SVIL: variants seen among roughly 807,000 people sequenced by gnomAD.
SVIL encodes supervillin.
In SVIL, 101 loss-of-function variants were observed where a neutral mutation model predicts 240.4. That is an observed-to-expected ratio of 0.42 (90% CI 0.36 to 0.50). SVIL has a LOEUF of 0.50. Among genes scored for constraint, SVIL ranks in the 20% least tolerant of loss-of-function variants. The pLI, the probability that SVIL is intolerant of heterozygous loss-of-function variation, is 0.01. For missense variants in SVIL, 2,512 were observed against 2,818.7 expected (o/e 0.89, Z 2.46); for synonymous variants, 999 against 1,100.0 (o/e 0.91, Z 1.82).
Position 29,458,763 on chromosome 10 carries a change from C to T in SVIL, c.6403-174G>A, listed in dbSNP as rs548062875. 3 of 553,186 alleles carry T rather than the reference C, an allele frequency of 5.4e-6. No individual in the cohort carries two copies. In the South Asian group the frequency reaches 1.3e-4, roughly 24 times the overall value. 34.3% of individuals were successfully genotyped at this position (553,186 alleles called of 1,614,324 possible). ...AGAAAAGGGATCGCCCAAAGCCCTG[C>T]AGTTGTCTGGACTTTTAATTTTTAA... On this transcript the variant is annotated intron_variant, in intron 36 of 37. Transcript: ENST00000355867.
chr10:29,480,335 G>T (rs567007776), intron 29 of SVIL, among the ~76,000 whole-genome samples: 3 of 152,266 alleles, frequency 2.0e-5, no homozygotes, highest in African/African-American at 7.2e-5. Flanking sequence ...CAGCGGCCTC[G>T]GCAATGCTAG....
intron 1 of SVIL, among the ~76,000 whole-genome samples, chr10:29,693,241 C>A (rs1408669162): frequency 2.1e-5 from 3 of 144,920 alleles, no homozygotes; most frequent in African/African-American, 7.8e-5. Context: ...TCAAACCAGG[C>A]AGGGTGGCCC....
chr10:29,622,821 A>G (rs1029882174), intron 1 of SVIL, among the ~76,000 whole-genome samples: 3 of 152,334 alleles, frequency 2.0e-5, no homozygotes, highest in Non-Finnish European at 4.4e-5. Flanking sequence ...CCGGAATTCA[A>G]AGCACCTCCA....
At position 29,642,394 on chromosome 10, in the gene SVIL, A is replaced by C. The variant is rs577720875; in HGVS notation, c.-201+15575T>G. ...ACAACAGAGTGAGACTCTGCCTCAAAAACAGAAAGAAAGAGAGAGAGTGAG... is the reference window on the plus strand; with the variant it reads ...ACAACAGAGTGAGACTCTGCCTCAACAACAGAAAGAAAGAGAGAGAGTGAG... On this transcript the variant is annotated intron_variant, in intron 3 of 35. Coordinates refer to the SVIL transcript ENST00000375400. 2.0e-5 allele frequency among the ~76,000 whole-genome samples: 3 copies of C among 149,662 alleles called. No individual in the cohort carries two copies. In the Admixed American group the frequency reaches 2.0e-4, roughly 10 times the overall value.
intron 30 of SVIL, 193 bp downstream of exon 30, chr10:29,473,645 A>G: frequency 1.5e-6 from 1 of 658,640 alleles, no homozygotes; most frequent in Non-Finnish European, 2.5e-6. Context: ...ATCATCTTAC[A>G]AAAAGTGGGA....
At chr10:29,647,983 A>T (rs1276194936) in intron 3 of SVIL, among the ~76,000 whole-genome samples, 1 of 151,418 alleles carries the variant, frequency 6.6e-6, no homozygotes, top group Admixed American at 6.6e-5. Context: ...AAAAAAAAAA[A>T]AACAAAAAAA....
rs368243248 is a variant in SVIL, at chr10:29,524,454, G to A, written c.2586+18C>T. On this transcript the variant is annotated intron_variant, in intron 14 of 37. Coordinates refer to ENST00000355867, the MANE Select transcript of SVIL (RefSeq NM_021738.3). ...GAACACACACACACAAACTGCAATC[G>A]GACTATAGCACACCCACCTGCTCCA... 4.9e-5 allele frequency: 79 copies of A among 1,612,162 alleles called. No homozygotes were observed. The highest frequency in any genetic ancestry group is 1.7e-4 in the Middle Eastern group (1 of 5,794).
chr10:29,512,603 A>T, intron 17 of SVIL, 132 bp downstream of exon 17: 1 of 1,477,422 alleles, frequency 6.8e-7, no homozygotes, highest in Non-Finnish European at 9.3e-7. Flanking sequence ...ACAGACTCTC[A>T]GTGTGTACCC....
At chr10:29,568,827 G>T (rs1258389417) in intron 2 of SVIL, among the ~76,000 whole-genome samples, 1 of 151,598 alleles carries the variant, frequency 6.6e-6, no homozygotes, top group Non-Finnish European at 1.5e-5. Flanking sequence ...GGATGTGTGT[G>T]TGTGTGTGTT....
chr10:29,704,107 G>T (rs1353741786), intron 1 of SVIL, among the ~76,000 whole-genome samples: 3 of 152,258 alleles, frequency 2.0e-5, no homozygotes, highest in Non-Finnish European at 2.9e-5. Context: ...CTAGCCTCAG[G>T]TGGGTTCTTG....
Position 29,610,923 on chromosome 10 carries a change from G to A in SVIL, c.-201+23497C>T, listed in dbSNP as rs1957221572. 3.9e-5 allele frequency among the ~76,000 whole-genome samples: 6 copies of A among 152,244 alleles called. 1 individual carries two copies. In the South Asian group the frequency reaches 1.0e-3, roughly 26 times the overall value. ...CTCATGCATTTCTGAGCTGCTGAAG[G>A]AGGCTCTTCGCTACCCAAAGCACAC... On this transcript the variant is annotated intron_variant, in intron 1 of 37. Transcript: ENST00000355867.
intron 2 of SVIL, among the ~76,000 whole-genome samples, chr10:29,681,137 G>C (rs754478164): frequency 3.9e-5 from 6 of 152,144 alleles, no homozygotes; most frequent in Non-Finnish European, 7.4e-5. Context: ...AATTGGCATG[G>C]TAGGGAATGG....
intron 1 of SVIL, among the ~76,000 whole-genome samples, chr10:29,597,554 C>T (rs1956644489): frequency 6.6e-6 from 1 of 152,118 alleles, no homozygotes; most frequent in African/African-American, 2.4e-5. Context: ...TGCCCACCAC[C>T]ACGCCTGGCT....
chr10:29,638,642 C>T (rs937615026), upstream of SVIL, among the ~76,000 whole-genome samples: 5 of 152,028 alleles, frequency 3.3e-5, no homozygotes, highest in South Asian at 2.1e-4. Flanking sequence ...TGCCATCTTA[C>T]GAATTTCAAA....
chr10:29,605,537 C>A (rs12780309), intron 1 of SVIL, among the ~76,000 whole-genome samples: 1 of 151,708 alleles, frequency 6.6e-6, no homozygotes. Flanking sequence ...GCTGTCTGTT[C>A]AGATCTTTTG....
intron 36 of SVIL, chr10:29,458,806 T>C (rs1482758414): frequency 2.7e-6 from 1 of 367,930 alleles, no homozygotes; most frequent in African/African-American, 2.1e-5. Context: ...AAATTTTAAA[T>C]TAAAAAATGG....
At chr10:29,477,126 G>A (rs1418322410) in intron 29 of SVIL, among the ~76,000 whole-genome samples, 1 of 152,188 alleles carries the variant, frequency 6.6e-6, no homozygotes, top group East Asian at 1.9e-4. Context: ...GCCTCCTGAA[G>A]TGCTGGGATT....
At chr10:29,494,331 A>T (rs1948237320) in intron 20 of SVIL, among the ~76,000 whole-genome samples, 1 of 152,154 alleles carries the variant, frequency 6.6e-6, no homozygotes, top group Non-Finnish European at 1.5e-5. Flanking sequence ...ACACTTTTAT[A>T]TTTCTGTTCA....
In SVIL at chr10:29,532,154, C is replaced by T; in HGVS notation, c.1857G>A (p.Arg619=). Residue 619 remains arginine, a synonymous_variant, in exon 9 of 38, where the codon AGG becomes AGA. Coordinates refer to ENST00000355867, the MANE Select transcript of SVIL (RefSeq NM_021738.3). ...TGGGCAAGCCAGGTCCTTCAGCCGA[C>T]CTCTCCACCCGTGATTTGCTTTGAG... is the stretch of plus-strand genomic sequence containing the variant. ...RRPELKSRVE[R]SAEGPGLPTG... 3 of 1,613,922 alleles carry T rather than the reference C, an allele frequency of 1.9e-6. No homozygotes were observed. The East Asian group carries it at 6.7e-5, about 36-fold the overall frequency.
Sources: allele counts gnomAD v4.1 joint callset (sites outside exome capture counted in the v4.1 genomes callset), GRCh38; gene constraint gnomAD v4.1.1; transcripts MANE v1.5; gene names NCBI Gene and HGNC (gene_info 2026-07-23, HGNC 2026-07-21).